The following CCDC178 variants were observed in gnomAD, a reference collection of about 807,000 sequenced individuals.
CCDC178 encodes coiled-coil domain containing 178, also known as coiled-coil domain-containing protein 178.
In CCDC178, 126 loss-of-function variants were observed where a neutral mutation model predicts 117.4. The ratio of observed to expected loss-of-function variants is 1.07; its 90% confidence interval spans 0.93 to 1.24. The LOEUF is 1.24. CCDC178 is among the 50% of genes most tolerant of loss of function. The pLI, the probability that CCDC178 is intolerant of heterozygous loss-of-function variation, is 0.00. For synonymous variants in CCDC178, 283 were observed against 313.4 expected (o/e 0.90, Z 1.02); for missense variants, 1,030 against 986.9 (o/e 1.04, Z -0.59).
chr18:33,226,737 C>T, intron 16 of CCDC178, 56 bp downstream of exon 16: 2 of 1,267,870 alleles, frequency 1.6e-6, no homozygotes, highest in Non-Finnish European at 2.2e-6. Context: ...ATTTAAAATG[C>T]TAAGTAAAAT....
intron 21 of CCDC178, among the ~76,000 whole-genome samples, chr18:33,090,128 T>C (rs1011642450): frequency 2.6e-5 from 4 of 152,146 alleles, no homozygotes; most frequent in Admixed American, 2.6e-4. Context: ...ACTATAGCAT[T>C]CTAACATTTG....
intron 21 of CCDC178, among the ~76,000 whole-genome samples, chr18:33,050,027 T>G (rs1357057676): frequency 6.6e-6 from 1 of 152,020 alleles, no homozygotes. Flanking sequence ...TTTGCCGTGA[T>G]CTGAGATCCT....
chr18:33,348,450 A>T (rs188663461), intron 8 of CCDC178, among the ~76,000 whole-genome samples: 26 of 152,098 alleles, frequency 1.7e-4, no homozygotes, highest in Non-Finnish European at 3.4e-4. Context: ...CATCATCCAC[A>T]TGCAACCATT....
At chr18:33,367,194 C>T (rs949692386) in intron 6 of CCDC178, among the ~76,000 whole-genome samples, 2 of 151,976 alleles carry the variant, frequency 1.3e-5, no homozygotes, top group Admixed American at 6.6e-5. Context: ...GTGAAACAAG[C>T]AGGCACAGAA....
intron 11 of CCDC178, among the ~76,000 whole-genome samples, chr18:33,317,039 G>A (rs544898937): frequency 6.6e-6 from 1 of 152,236 alleles, no homozygotes; most frequent in East Asian, 1.9e-4. Context: ...CTAATCAGCA[G>A]GATGTGGATG....
intron 21 of CCDC178, among the ~76,000 whole-genome samples, chr18:33,010,334 G>C (rs2055838983): frequency 6.6e-6 from 1 of 152,112 alleles, no homozygotes; most frequent in African/African-American, 2.4e-5. Flanking sequence ...CAGATTCCCT[G>C]GCGGTCATGG....
In CCDC178 at chr18:33,397,155, T is replaced by C; in HGVS notation, c.112A>G (p.Asn38Asp). Reference sequence around the variant, plus strand: ...TATAATAGCTGTTGGATACCTTCATTTGTCCTTGACCATGCCTTCTCTCTG... The same window carrying C: ...TATAATAGCTGTTGGATACCTTCATCTGTCCTTGACCATGCCTTCTCTCTG... ...ALREKAWSRT[N>D]EGNAMSQSLV... Residue 38 changes from asparagine (N) to aspartate (D), a missense_variant, in exon 4 of 23, where the codon AAT becomes GAT. By Grantham distance (23) the Asn-to-Asp change is conservative (BLOSUM62 1). Transcript: ENST00000383096. The C allele has an allele frequency of 6.3e-7, 1 of 1,598,918 alleles. No individual in the cohort carries two copies. The highest frequency in any genetic ancestry group is 8.6e-7 in the Non-Finnish European group (1 of 1,167,818).
chr18:33,440,214 G>T (rs1009450324), intron 1 of CCDC178, 133 bp from the exon 2 acceptor site: 2 of 151,262 alleles, frequency 1.3e-5, no homozygotes, highest in Admixed American at 6.6e-5. Flanking sequence ...CGCTAGAGAC[G>T]CAGTTACAGA....
At chr18:32,997,482 G>T (rs2055537263) in intron 21 of CCDC178, among the ~76,000 whole-genome samples, 1 of 152,052 alleles carries the variant, frequency 6.6e-6, no homozygotes. Flanking sequence ...GTTTTCATTG[G>T]ATGTTCAGCC....
Position 33,033,919 on chromosome 18 carries a change from A to G in CCDC178, c.2388+58842T>C, listed in dbSNP as rs776072234. Among the ~76,000 whole-genome samples the G allele has an allele frequency of 1.5e-4, 22 of 149,986 alleles. 1 individual carries two copies. The highest frequency in any genetic ancestry group is 2.8e-4 in the Non-Finnish European group (19 of 67,744). The stretch of plus-strand genomic sequence containing the variant: ...TTACACATCGACAGAACCCAAGACA[A>G]TATCTGTGTGTGTGTATATATATAT... On this transcript the variant is annotated intron_variant, in intron 21 of 22. Transcript: ENST00000383096.
chr18:33,066,675 C>T (rs1487188112), intron 21 of CCDC178, among the ~76,000 whole-genome samples: 1 of 152,110 alleles, frequency 6.6e-6, no homozygotes, highest in Non-Finnish European at 1.5e-5. Flanking sequence ...CCATGCAGAT[C>T]AAAACCGAAG....
rs182065941 is a variant in CCDC178, at chr18:33,229,432, T to C, written c.1594-2577A>G. On this transcript the variant is annotated intron_variant, in intron 15 of 22. Coordinates refer to ENST00000383096, the MANE Select transcript of CCDC178 (RefSeq NM_001105528.4). Reference sequence around the variant, plus strand: ...TCAATGATAAAACTACCATTTGTACTACTCCTAGTAATGATGGCTAAGATA... The same window carrying C: ...TCAATGATAAAACTACCATTTGTACCACTCCTAGTAATGATGGCTAAGATA... Among the ~76,000 whole-genome samples the C allele has an allele frequency of 1.2e-3, 183 of 152,334 alleles. 1 individual carries two copies. The highest frequency in any genetic ancestry group is 4.2e-3 in the African/African-American group (173 of 41,582).
chr18:33,006,497 A>G, intron 21 of CCDC178, among the ~76,000 whole-genome samples: 1 of 152,132 alleles, frequency 6.6e-6, no homozygotes, highest in Non-Finnish European at 1.5e-5. Context: ...CTTTTTATAA[A>G]TCAAGTATTG....
At chr18:33,195,792 T>G (rs184931515) in intron 20 of CCDC178, among the ~76,000 whole-genome samples, 1 of 152,358 alleles carries the variant, frequency 6.6e-6, no homozygotes, top group East Asian at 1.9e-4. Flanking sequence ...TAACTTATAC[T>G]ACACTGATGT....
chr18:33,127,253 A>G (rs904329421), intron 20 of CCDC178, among the ~76,000 whole-genome samples: 2 of 152,108 alleles, frequency 1.3e-5, no homozygotes, highest in African/African-American at 4.8e-5. Flanking sequence ...CTAAAATATT[A>G]GTGGAGATCA....
chr18:33,022,513 C>T (rs1272380891), intron 21 of CCDC178, among the ~76,000 whole-genome samples: 3 of 152,098 alleles, frequency 2.0e-5, no homozygotes, highest in African/African-American at 7.2e-5. Context: ...CTAACAGACA[C>T]CAGTGTACTG....
At chr18:33,000,922 T>C (rs1263304376) in intron 21 of CCDC178, among the ~76,000 whole-genome samples, 1 of 152,180 alleles carries the variant, frequency 6.6e-6, no homozygotes, top group Non-Finnish European at 1.5e-5. Flanking sequence ...AAACACAGAA[T>C]ATTATGGCAC....
At position 33,411,531 on chromosome 18, in the gene CCDC178, G is replaced by A. The variant is rs538058500; in HGVS notation, c.58+500C>T. ...ACATGATACAGAATAAAAGATGTCA[G>A]AGCTCAAGATGCAAAAAAATAAAGT... is the stretch of plus-strand genomic sequence containing the variant. On this transcript the variant is annotated intron_variant, in intron 3 of 22. Transcript: ENST00000383096. Among the ~76,000 whole-genome samples, 14 of 141,354 alleles carry A rather than the reference G, an allele frequency of 9.9e-5. No individual in the cohort carries two copies. The East Asian group carries it at 2.6e-3, about 27-fold the overall frequency. 92.7% of individuals were successfully genotyped at this position (141,354 alleles called of 152,430 possible). A position where few individuals can be genotyped will look rare whatever the true frequency, so the allele number is the denominator to read the frequency against.
chr18:32,985,858 T>A (rs57411399), intron 21 of CCDC178, among the ~76,000 whole-genome samples: 5,148 of 152,156 alleles, frequency 0.034, 135 homozygotes, highest in East Asian at 0.079. Context: ...ATTACTGGGC[T>A]ATGTGACTTA....
Sources: allele counts gnomAD v4.1 joint callset (sites outside exome capture counted in the v4.1 genomes callset), GRCh38; gene constraint gnomAD v4.1.1; transcripts MANE v1.5; gene names NCBI Gene and HGNC (gene_info 2026-07-23, HGNC 2026-07-21).